ERG: variants seen among roughly 807,000 people sequenced by gnomAD.
ERG encodes the protein ETS transcription factor ERG, also known as transcriptional regulator ERG.
Under a neutral mutation model 55.3 loss-of-function variants are expected in ERG, and 9 were observed. That is an observed-to-expected ratio of 0.16 (90% CI 0.10 to 0.28). The LOEUF (loss-of-function observed/expected upper bound fraction) is 0.28, where lower values mean the gene tolerates loss of function less well. Ranked by LOEUF, ERG falls within the 10% of genes least tolerant of loss-of-function variation. The pLI, the probability that ERG is intolerant of heterozygous loss-of-function variation, is 1.00. For missense variants in ERG, 434 were observed against 631.6 expected (o/e 0.69, Z 3.35); for synonymous variants, 223 against 237.3 (o/e 0.94, Z 0.55).
chr21:38,596,871 C>A (rs2060134415), intron 1 of ERG, among the ~76,000 whole-genome samples: 1 of 152,224 alleles, frequency 6.6e-6, no homozygotes, highest in South Asian at 2.1e-4. Flanking sequence ...GGTGGACCAA[C>A]ACCAGGAAGA....
At chr21:38,569,439 G>A (rs1482574333) in intron 2 of ERG, among the ~76,000 whole-genome samples, 1 of 152,208 alleles carries the variant, frequency 6.6e-6, no homozygotes, top group Non-Finnish European at 1.5e-5. Flanking sequence ...CAGACCAAGT[G>A]ATCTCTAATG....
Position 38,497,573 on chromosome 21 carries a change from G to T in ERG, c.18+790C>A, listed in dbSNP as rs188372243. 1.6e-4 allele frequency among the ~76,000 whole-genome samples: 25 copies of T among 152,236 alleles called. No homozygotes were observed. In the East Asian group the frequency reaches 4.4e-3, roughly 27 times the overall value. On this transcript the variant is annotated intron_variant, in intron 1 of 9. Transcript: ENST00000288319. The stretch of plus-strand genomic sequence containing the variant: ...ATTTCCAGGAATCAGGCCATATTTA[G>T]GATTGTACCTGTGCAGATTTACCTC...
chr21:38,556,403 A>G (rs1295572240), intron 2 of ERG, among the ~76,000 whole-genome samples: 3 of 152,104 alleles, frequency 2.0e-5, no homozygotes, highest in African/African-American at 7.2e-5. Context: ...AATGAAGAAG[A>G]TTATTATTTT....
At chr21:38,462,079 T>A (rs1212931414) in intron 1 of ERG, among the ~76,000 whole-genome samples, 1 of 152,030 alleles carries the variant, frequency 6.6e-6, no homozygotes, top group Admixed American at 6.6e-5. Flanking sequence ...CCTCCTGGGT[T>A]CATGCCTTCT....
intron 2 of ERG, among the ~76,000 whole-genome samples, chr21:38,519,255 T>C (rs1196332119): frequency 6.6e-6 from 1 of 152,102 alleles, no homozygotes; most frequent in African/African-American, 2.4e-5. Flanking sequence ...GTGAACAAAA[T>C]TTAATGAAAG....
intron 2 of ERG, among the ~76,000 whole-genome samples, chr21:38,542,553 T>C (rs1429814074): frequency 6.6e-6 from 1 of 152,216 alleles, no homozygotes; most frequent in African/African-American, 2.4e-5. Flanking sequence ...ATCTCAGTTA[T>C]TATGGAGCTT....
chr21:38,482,757 A>T (rs2059249460), intron 1 of ERG, among the ~76,000 whole-genome samples: 1 of 151,678 alleles, frequency 6.6e-6, no homozygotes, highest in Non-Finnish European at 1.5e-5. Context: ...GACTGACTGC[A>T]ACCTCTGCCT....
intron 1 of ERG, among the ~76,000 whole-genome samples, chr21:38,624,366 CG>C (rs1255095468): frequency 6.6e-6 from 1 of 152,106 alleles, no homozygotes; most frequent in African/African-American, 2.4e-5. Flanking sequence ...ACCGAGATGA[CG>C]GGGTGATAGG....
chr21:38,652,649 C>T (rs746511199), intron 1 of ERG, among the ~76,000 whole-genome samples: 6 of 152,140 alleles, frequency 3.9e-5, no homozygotes, highest in Non-Finnish European at 7.3e-5. Context: ...ACTCCTGATG[C>T]TAAGGCTAAA....
At chr21:38,436,348 A>T (rs1358882321) in intron 2 of ERG, among the ~76,000 whole-genome samples, 3 of 152,146 alleles carry the variant, frequency 2.0e-5, no homozygotes, top group Admixed American at 2.0e-4. Flanking sequence ...GATAGTAATA[A>T]ATGTTTCTAA....
chr21:38,432,266 T>A (rs1012157648), intron 2 of ERG, among the ~76,000 whole-genome samples: 8 of 152,126 alleles, frequency 5.3e-5, no homozygotes, highest in African/African-American at 1.9e-4. Context: ...AGCTGTTTTT[T>A]AATTATTTGT....
intron 1 of ERG, among the ~76,000 whole-genome samples, chr21:38,599,736 G>A (rs953495088): frequency 2.6e-5 from 4 of 152,222 alleles, no homozygotes; most frequent in Non-Finnish European, 1.5e-5. Flanking sequence ...AAATTAGACT[G>A]TTCACTGTAT....
chr21:38,580,205 G>A (rs566188894), intron 1 of ERG, among the ~76,000 whole-genome samples: 3 of 152,236 alleles, frequency 2.0e-5, no homozygotes, highest in African/African-American at 4.8e-5. Context: ...CACCCACGTT[G>A]GCCTCCCAAA....
chr21:38,421,674 AG>A lies in ERG; in HGVS notation c.388+1735del, dbSNP rs751741623. ...CATGCCCTTGGCTACTTTGCCAACA[AG>A]GAGTAACTTGTACAGTGCAGCTCAG... On this transcript the variant is annotated intron_variant, in intron 3 of 9. Transcript: ENST00000288319. Among the ~76,000 whole-genome samples, 146 of 152,216 alleles carry A rather than the reference AG, an allele frequency of 9.6e-4. 1 individual carries two copies. The highest frequency in any genetic ancestry group is 6.5e-4 in the Admixed American group (10 of 15,282).
At position 38,535,984 on chromosome 21, in the gene ERG, CTT is replaced by C. The variant is rs959960493; in HGVS notation, c.-41+39676_-41+39677del. 2.9e-4 allele frequency among the ~76,000 whole-genome samples: 44 copies of C among 152,086 alleles called. 1 individual carries two copies. The highest frequency in any genetic ancestry group is 6.3e-3 in the Middle Eastern group (2 of 316). Reference sequence around the variant, plus strand: ...TTTTCACATCTCATCCTCTTTCCTCCTTTACCCTGCCTAAGCAACCATTTCTG... The same window carrying C: ...TTTTCACATCTCATCCTCTTTCCTCCTACCCTGCCTAAGCAACCATTTCTG... On this transcript the variant is annotated intron_variant, in intron 2 of 8. Transcript: ENST00000398897.
chr21:38,539,653 A>C lies in ERG; in HGVS notation c.-41+36009T>G, dbSNP rs567308562. ...TATTTTTTAAGAGGTCATTTTGAGCATATTCCTTACCATTGAAGCCCCTGC... is the reference window on the plus strand; with the variant it reads ...TATTTTTTAAGAGGTCATTTTGAGCCTATTCCTTACCATTGAAGCCCCTGC... On this transcript the variant is annotated intron_variant, in intron 2 of 8. Coordinates refer to the ERG transcript ENST00000398897. Among the ~76,000 whole-genome samples, 10 of 152,326 alleles carry C rather than the reference A, an allele frequency of 6.6e-5. No individual in the cohort carries two copies. In the South Asian group the frequency reaches 2.1e-3, roughly 32 times the overall value.
intron 1 of ERG, among the ~76,000 whole-genome samples, chr21:38,639,484 A>G (rs1314888034): frequency 6.6e-6 from 1 of 152,192 alleles, no homozygotes; most frequent in Admixed American, 6.5e-5. Context: ...CATCTAAATA[A>G]CAAGAGTTCC....
intron 2 of ERG, among the ~76,000 whole-genome samples, chr21:38,549,281 T>G (rs999574919): frequency 6.6e-6 from 1 of 152,286 alleles, no homozygotes; most frequent in South Asian, 2.1e-4. Flanking sequence ...AAAGGCATCA[T>G]CTGAAGGCTC....
rs575355839 is a variant in ERG, at chr21:38,458,187, A to G, written c.19-12566T>C. On this transcript the variant is annotated intron_variant, in intron 1 of 9. Transcript: ENST00000288319. ...GTGCCTGTAATCCCAGCACTTTTGG[A>G]GGCCAAGACGGGCAGATCACGAGGT... Among the ~76,000 whole-genome samples the G allele has an allele frequency of 2.0e-5, 3 of 152,270 alleles. No individual in the cohort carries two copies. In the East Asian group the frequency reaches 5.8e-4, roughly 29 times the overall value.
Sources: allele counts gnomAD v4.1 joint callset (sites outside exome capture counted in the v4.1 genomes callset), GRCh38; gene constraint gnomAD v4.1.1; transcripts MANE v1.5; gene names NCBI Gene and HGNC (gene_info 2026-07-23, HGNC 2026-07-21).